The following KCND2 variants were observed in gnomAD, a reference collection of about 807,000 sequenced individuals.
The protein encoded by KCND2 is potassium voltage-gated channel subfamily D member 2, also known as A-type voltage-gated potassium channel KCND2.
In KCND2, 16 loss-of-function variants were observed where a neutral mutation model predicts 54.4. The ratio of observed to expected loss-of-function variants is 0.29; its 90% CI spans 0.20 to 0.45. The LOEUF (loss-of-function observed/expected upper bound fraction) is 0.45, where lower values mean the gene tolerates loss of function less well. Among genes scored for constraint, KCND2 ranks in the 20% least tolerant of loss-of-function variants. The pLI, the probability that KCND2 is intolerant of heterozygous loss-of-function variation, is 1.00. For missense variants in KCND2, 486 were observed against 824.2 expected, an observed-to-expected ratio of 0.59 and a Z score of 5.02; for synonymous variants, 317 against 310.7, an observed-to-expected ratio of 1.02 and a Z score of -0.21.
intron 1 of KCND2, among the ~76,000 whole-genome samples, chr7:120,339,120 T>G (rs1468449232): frequency 6.6e-6 from 1 of 151,568 alleles, no homozygotes; most frequent in East Asian, 1.9e-4. Context: ...GGTCTCAATC[T>G]GACCTCGTGA....
At chr7:120,506,846 G>C (rs1337222958) in intron 1 of KCND2, among the ~76,000 whole-genome samples, 1 of 151,716 alleles carries the variant, frequency 6.6e-6, no homozygotes, top group Non-Finnish European at 1.5e-5. Flanking sequence ...TTCTAGTTAA[G>C]TTCTCTCTAA....
chr7:120,379,975 G>T (rs1800890719), intron 1 of KCND2, among the ~76,000 whole-genome samples: 1 of 152,000 alleles, frequency 6.6e-6, no homozygotes, highest in Admixed American at 6.6e-5. Context: ...TTTGGAGTTT[G>T]TTTGTTACTA....
chr7:120,368,838 A>G (rs1800723066), intron 1 of KCND2, among the ~76,000 whole-genome samples: 1 of 152,146 alleles, frequency 6.6e-6, no homozygotes, highest in Non-Finnish European at 1.5e-5. Context: ...GATAAAGGAC[A>G]GAATTAAATT....
chr7:120,686,362 T>G lies in KCND2; in HGVS notation c.1116-46541T>G, dbSNP rs116117091. On this transcript the variant is annotated intron_variant, in intron 1 of 5. Transcript: ENST00000331113. The stretch of plus-strand genomic sequence containing the variant: ...TGTTTTCCATAGTTGCTGCACCATT[T>G]TCCACCCCCACGAACATATAATGGA... 3.4e-3 allele frequency among the ~76,000 whole-genome samples: 519 copies of G among 152,234 alleles called. 7 individuals are homozygous for G. The highest frequency in any genetic ancestry group is 0.012 in the African/African-American group (488 of 41,546).
intron 1 of KCND2, among the ~76,000 whole-genome samples, chr7:120,341,056 TTA>T (rs1322300942): frequency 6.6e-6 from 1 of 152,158 alleles, no homozygotes; most frequent in Non-Finnish European, 1.5e-5. Flanking sequence ...GAGAATATTT[TTA>T]TCTCAAGAAA....
At chr7:120,668,354 G>A (rs1791952455) in intron 1 of KCND2, among the ~76,000 whole-genome samples, 1 of 152,048 alleles carries the variant, frequency 6.6e-6, no homozygotes, top group Non-Finnish European at 1.5e-5. Flanking sequence ...GTCGTGAGCT[G>A]AGAATACCTC....
At chr7:120,289,212 C>T (rs1026955756) in intron 1 of KCND2, among the ~76,000 whole-genome samples, 3 of 151,992 alleles carry the variant, frequency 2.0e-5, no homozygotes, top group Non-Finnish European at 2.9e-5. Flanking sequence ...GTAGCAGGCA[C>T]GATCCCTTGT....
At chr7:120,631,293 G>A (rs765884755) in intron 1 of KCND2, among the ~76,000 whole-genome samples, 7 of 152,040 alleles carry the variant, frequency 4.6e-5, no homozygotes, top group Non-Finnish European at 7.4e-5. Context: ...AATGAATATA[G>A]TGTATGAAGT....
Position 120,670,239 on chromosome 7 carries a change from G to A in KCND2, c.1116-62664G>A, listed in dbSNP as rs551023002. Among the ~76,000 whole-genome samples, 251 of 152,120 alleles carry A rather than the reference G, an allele frequency of 1.7e-3. 2 individuals carry two copies. The highest frequency in any genetic ancestry group is 3.4e-3 in the Middle Eastern group (1 of 294). Reference sequence around the variant, plus strand: ...AACTTATTCTACCATCCAGACCAGCGTATCATTTTTTCAGGATCATATAGA... The same window carrying A: ...AACTTATTCTACCATCCAGACCAGCATATCATTTTTTCAGGATCATATAGA... On this transcript the variant is annotated intron_variant, in intron 1 of 5. Coordinates refer to ENST00000331113, the MANE Select transcript of KCND2 (RefSeq NM_012281.3).
intron 1 of KCND2, among the ~76,000 whole-genome samples, chr7:120,685,102 C>T (rs1012156733): frequency 5.3e-5 from 8 of 152,144 alleles, no homozygotes; most frequent in African/African-American, 1.2e-4. Context: ...TTGTCTTCCA[C>T]GAAATTGGTC....
intron 1 of KCND2, among the ~76,000 whole-genome samples, chr7:120,394,570 C>T (rs983370822): frequency 6.6e-6 from 1 of 151,852 alleles, no homozygotes; most frequent in Non-Finnish European, 1.5e-5. Flanking sequence ...AATCTTGTGG[C>T]CTTTCATTAG....
intron 1 of KCND2, among the ~76,000 whole-genome samples, chr7:120,392,935 T>C (rs1801099673): frequency 6.6e-6 from 1 of 152,028 alleles, no homozygotes; most frequent in African/African-American, 2.4e-5. Context: ...AGAATATATA[T>C]TTAAAACAAT....
intron 1 of KCND2, among the ~76,000 whole-genome samples, chr7:120,634,849 T>C (rs1365945477): frequency 2.0e-5 from 3 of 152,138 alleles, no homozygotes; most frequent in Non-Finnish European, 4.4e-5. Flanking sequence ...TCCCCTCACC[T>C]CACAGGCCAT....
At chr7:120,411,012 G>A in intron 1 of KCND2, among the ~76,000 whole-genome samples, 1 of 151,848 alleles carries the variant, frequency 6.6e-6, no homozygotes, top group East Asian at 1.9e-4. Context: ...GTTTACAGAA[G>A]ACATGATTGT....
chr7:120,455,359 A>G (rs1802180597), intron 1 of KCND2, among the ~76,000 whole-genome samples: 1 of 152,178 alleles, frequency 6.6e-6, no homozygotes. Context: ...ATGGAACAGA[A>G]TAGAGAGATT....
At chr7:120,433,003 T>G (rs1801816445) in intron 1 of KCND2, among the ~76,000 whole-genome samples, 1 of 152,190 alleles carries the variant, frequency 6.6e-6, no homozygotes. Context: ...TGGCTCCTGC[T>G]GCTGTCTCCC....
chr7:120,621,990 T>G (rs980590599), intron 1 of KCND2, among the ~76,000 whole-genome samples: 2 of 152,058 alleles, frequency 1.3e-5, no homozygotes, highest in African/African-American at 4.8e-5. Flanking sequence ...GTTTTGGTTT[T>G]TTTTTAATGA....
chr7:120,609,532 G>A (rs1434881916), intron 1 of KCND2, among the ~76,000 whole-genome samples: 2 of 152,080 alleles, frequency 1.3e-5, no homozygotes, highest in Non-Finnish European at 2.9e-5. Context: ...TCCCGTAATT[G>A]CTATGCTGCA....
intron 1 of KCND2, among the ~76,000 whole-genome samples, chr7:120,422,057 G>T (rs1440814889): frequency 1.3e-4 from 20 of 152,154 alleles, no homozygotes; most frequent in Admixed American, 1.2e-3. Context: ...TTTATGAAAT[G>T]CTAAATATGA....
Sources: allele counts gnomAD v4.1 joint callset (sites outside exome capture counted in the v4.1 genomes callset), GRCh38; gene constraint gnomAD v4.1.1; transcripts MANE v1.5; gene names NCBI Gene and HGNC (gene_info 2026-07-23, HGNC 2026-07-21).